ARHGAP42: variants seen among roughly 807,000 people sequenced by gnomAD.
ARHGAP42 encodes Rho GTPase activating protein 42.
ARHGAP42 carries 63 observed loss-of-function variants against 125.0 expected under a neutral mutation model. The ratio of observed to expected loss-of-function variants is 0.50; its 90% CI spans 0.41 to 0.62. ARHGAP42 has a LOEUF of 0.62. Among genes scored for constraint, ARHGAP42 ranks in the 20% least tolerant of loss-of-function variants. The probability of loss-of-function intolerance (pLI) is 0.00; values close to 1 mark genes in which losing one functional copy is unlikely to be tolerated. For synonymous variants in ARHGAP42, 339 were observed against 351.0 expected (o/e 0.97, Z 0.38); for missense variants, 766 against 1,024.2 (o/e 0.75, Z 3.44).
At chr11:100,850,428 A>T (rs973794405) in intron 3 of ARHGAP42, among the ~76,000 whole-genome samples, 5 of 152,186 alleles carry the variant, frequency 3.3e-5, no homozygotes, top group Non-Finnish European at 7.3e-5. Flanking sequence ...CAATGTCACA[A>T]CAGCTATGAC....
chr11:100,837,666 C>CTTTTTTTTTTTTTTTTTTTTTTT (rs373059302), intron 3 of ARHGAP42, among the ~76,000 whole-genome samples: 19 of 61,034 alleles, frequency 3.1e-4, no homozygotes, highest in South Asian at 1.4e-3. Context: ...AGGTGTCATC[C>CTTTTTTTTTTTTTTTTTTTTTTT]TTTTTTTTTT....
intron 3 of ARHGAP42, among the ~76,000 whole-genome samples, chr11:100,835,474 A>T (rs658899): frequency 0.83 from 126,262 of 152,084 alleles, 52,811 homozygotes; most frequent in East Asian, 0.96. Flanking sequence ...AATACTGCCT[A>T]GCATTGTAAC....
chr11:100,945,621 A>G (rs1867995635), intron 10 of ARHGAP42, among the ~76,000 whole-genome samples: 1 of 152,108 alleles, frequency 6.6e-6, no homozygotes, highest in African/African-American at 2.4e-5. Context: ...TTAAATCTCT[A>G]TCAGAACTCT....
chr11:100,992,656 T>C lies in ARHGAP42; in HGVS notation c.*3855T>C. The C allele has an allele frequency of 6.2e-7, 1 of 1,610,454 alleles. No individual in the cohort carries two copies. The highest frequency in any genetic ancestry group is 8.5e-7 in the Non-Finnish European group (1 of 1,178,208). Reference sequence around the variant, plus strand: ...TCCCCCTGCTTCAAAATGTGCCAGTTCCACTTGGTAATAACGTTGGGAAAA... The same window carrying C: ...TCCCCCTGCTTCAAAATGTGCCAGTCCCACTTGGTAATAACGTTGGGAAAA... On this transcript the variant is annotated 3_prime_UTR_variant, in exon 24 of 24. Coordinates refer to ENST00000298815, the MANE Select transcript of ARHGAP42 (RefSeq NM_152432.4).
chr11:100,921,634 G>C (rs1377824686), intron 6 of ARHGAP42, 30 bp downstream of exon 6: 1 of 1,326,624 alleles, frequency 7.5e-7, no homozygotes, highest in Non-Finnish European at 1.0e-6. Context: ...ATAAATGGTG[G>C]GCTCAAAACA....
intron 1 of ARHGAP42, among the ~76,000 whole-genome samples, chr11:100,765,901 C>T (rs1188859363): frequency 6.6e-6 from 1 of 152,040 alleles, no homozygotes; most frequent in Admixed American, 6.6e-5. Flanking sequence ...TATATATAGC[C>T]CACTTCCATA....
chr11:100,721,267 C>T (rs61910477), intron 1 of ARHGAP42, among the ~76,000 whole-genome samples: 9,471 of 152,034 alleles, frequency 0.062, 415 homozygotes, highest in East Asian at 0.21. Context: ...ACAACTCTCC[C>T]GTGCTTTTCT....
At chr11:100,930,472 A>G (rs943282972) in intron 6 of ARHGAP42, among the ~76,000 whole-genome samples, 2 of 152,160 alleles carry the variant, frequency 1.3e-5, no homozygotes, top group African/African-American at 2.4e-5. Context: ...TTTTTTGTAT[A>G]TAATTCTTAT....
intron 6 of ARHGAP42, 41 bp from the exon 7 acceptor site, chr11:100,933,115 A>G: frequency 1.5e-6 from 2 of 1,351,714 alleles, no homozygotes; most frequent in Non-Finnish European, 1.0e-6. Flanking sequence ...ATGATCATTA[A>G]AACACATTTT....
In ARHGAP42 at chr11:100,988,800, A is replaced by G; in HGVS notation, c.2624A>G (p.Ter875=). 2 of 1,546,372 alleles carry G rather than the reference A, an allele frequency of 1.3e-6. No individual in the cohort carries two copies. The highest frequency in any genetic ancestry group is 1.7e-6 in the Non-Finnish European group (2 of 1,143,548). Residue 875 remains the stop codon, a stop_retained_variant, in exon 24 of 24, where the codon TAA becomes TGA. Transcript: ENST00000298815. ...LVPENYVVFL[*] is the part of the protein sequence containing the mutation. Reference sequence around the variant, plus strand: ...CCAGAAAATTATGTTGTCTTCCTCTAATACTATTTAGTGGATGGCAGTATC... The same window carrying G: ...CCAGAAAATTATGTTGTCTTCCTCTGATACTATTTAGTGGATGGCAGTATC...
intron 4 of ARHGAP42, among the ~76,000 whole-genome samples, chr11:100,877,495 A>T (rs559208025): frequency 1.3e-5 from 2 of 152,336 alleles, no homozygotes; most frequent in East Asian, 3.9e-4. Context: ...GACCAGTAGC[A>T]TTTCATGCTT....
At chr11:100,732,065 TCTC>T (rs1861968689) in intron 1 of ARHGAP42, among the ~76,000 whole-genome samples, 3 of 151,958 alleles carry the variant, frequency 2.0e-5, no homozygotes, top group Admixed American at 2.0e-4. Context: ...TTCAAGAAAT[TCTC>T]CTGCCTCAGC....
In ARHGAP42 at chr11:100,887,980, A is replaced by T. The variant is rs1161599867; in HGVS notation, c.385-25472A>T. ...CCTCTATCCAATCCCGCTTCTGGAG[A>T]ACCCATCTGGCAGCAAGGAGGTTTC... On this transcript the variant is annotated intron_variant, in intron 4 of 23. Coordinates refer to ENST00000298815, the MANE Select transcript of ARHGAP42 (RefSeq NM_152432.4). Among the ~76,000 whole-genome samples the T allele has an allele frequency of 3.3e-5, 5 of 152,280 alleles. No individual in the cohort carries two copies. The East Asian group carries it at 7.7e-4, about 23-fold the overall frequency.
At chr11:100,827,854 A>G (rs1864560911) in intron 3 of ARHGAP42, among the ~76,000 whole-genome samples, 1 of 152,250 alleles carries the variant, frequency 6.6e-6, no homozygotes. Flanking sequence ...GGAAGTGGTT[A>G]GTAATAGAAA....
chr11:100,950,841 A>G (rs1162400764), intron 12 of ARHGAP42, among the ~76,000 whole-genome samples: 3 of 152,066 alleles, frequency 2.0e-5, no homozygotes, highest in African/African-American at 7.2e-5. Flanking sequence ...TATTTTTCAA[A>G]CAAACTCAAT....
intron 2 of ARHGAP42, 94 bp downstream of exon 2, chr11:100,770,532 T>TAAGACAA (rs1162030964): frequency 5.0e-6 from 5 of 992,758 alleles, no homozygotes; most frequent in Non-Finnish European, 7.2e-6. Flanking sequence ...GTAAAATATT[T>TAAGACAA]TCTGACTTTG....
Position 100,921,145 on chromosome 11 carries a change from T to A in ARHGAP42, c.487-349T>A, listed in dbSNP as rs1053647067. Among the ~76,000 whole-genome samples, 5 of 147,448 alleles carry A rather than the reference T, an allele frequency of 3.4e-5. No individual in the cohort carries two copies. The East Asian group carries it at 9.8e-4, about 29-fold the overall frequency. The stretch of plus-strand genomic sequence containing the variant: ...CCATTTTGTCCCATAATTTTGAATT[T>A]TATCCATCTTTCTATGATCCAGTGA... On this transcript the variant is annotated intron_variant, in intron 5 of 23. Coordinates refer to ENST00000298815, the MANE Select transcript of ARHGAP42 (RefSeq NM_152432.4).
chr11:100,807,281 C>T (rs753298924), intron 3 of ARHGAP42, among the ~76,000 whole-genome samples: 3 of 151,968 alleles, frequency 2.0e-5, no homozygotes, highest in Non-Finnish European at 2.9e-5. Flanking sequence ...CTGCAACTTC[C>T]GCCCCCCAGG....
intron 2 of ARHGAP42, among the ~76,000 whole-genome samples, chr11:100,782,308 G>A (rs756531042): frequency 1.3e-5 from 2 of 152,166 alleles, no homozygotes; most frequent in South Asian, 2.1e-4. Context: ...GTGAGTCAGA[G>A]ATTACATGCA....
Sources: allele counts gnomAD v4.1 joint callset (sites outside exome capture counted in the v4.1 genomes callset), GRCh38; gene constraint gnomAD v4.1.1; transcripts MANE v1.5; gene names NCBI Gene and HGNC (gene_info 2026-07-23, HGNC 2026-07-21).